Variants in DDIAS observed in about 807,000 individuals in gnomAD.
DDIAS encodes the protein DNA damage-induced apoptosis suppressor protein.
Under a neutral mutation model 15.7 loss-of-function variants are expected in DDIAS, and 14 were observed. The observed-to-expected ratio is 0.89, with a 90% confidence interval of 0.59 to 1.39. The LOEUF is 1.39. DDIAS is among the 40% of genes most tolerant of loss of function. DDIAS has a pLI of 0.00. For synonymous variants in DDIAS, 355 were observed against 395.9 expected (o/e 0.90, Z 1.23); for missense variants, 1,035 against 1,130.9 (o/e 0.92, Z 1.22).
chr11:82,915,090 A>G (rs992447713), intron 3 of DDIAS, among the ~76,000 whole-genome samples: 2 of 152,238 alleles, frequency 1.3e-5, no homozygotes, highest in Non-Finnish European at 2.9e-5. Context: ...ATAACTTCTC[A>G]GAGAGTAAGT....
intron 3 of DDIAS, among the ~76,000 whole-genome samples, chr11:82,924,792 G>A (rs1860824259): frequency 6.6e-6 from 1 of 151,774 alleles, no homozygotes; most frequent in Non-Finnish European, 1.5e-5. Flanking sequence ...TCCAGCCTGG[G>A]CAACAAAGCA....
intron 3 of DDIAS, among the ~76,000 whole-genome samples, chr11:82,921,902 T>A (rs1181007842): frequency 1.3e-5 from 2 of 152,130 alleles, no homozygotes; most frequent in East Asian, 3.8e-4. Flanking sequence ...AATGGTGGTT[T>A]GGTAGTAGCA....
At chr11:82,929,119 AAC>A (rs1332690803) in intron 4 of DDIAS, among the ~76,000 whole-genome samples, 181 bp downstream of exon 4, 8 of 152,378 alleles carry the variant, frequency 5.3e-5, no homozygotes, top group South Asian at 4.1e-4. Context: ...ATGATATTAA[AAC>A]AGTCTCCTTT....
At chr11:82,921,601 G>A (rs1449177643) in intron 3 of DDIAS, among the ~76,000 whole-genome samples, 4 of 122,750 alleles carry the variant, frequency 3.3e-5, no homozygotes, top group East Asian at 2.3e-4. Context: ...TTTTTGAGAC[G>A]GAGTTTCGCT....
chr11:82,929,328 T>G (rs1221320254), intron 4 of DDIAS, among the ~76,000 whole-genome samples: 1 of 152,250 alleles, frequency 6.6e-6, no homozygotes, highest in Non-Finnish European at 1.5e-5. Context: ...AATTGAAATT[T>G]TATTTTTTAT....
chr11:82,919,312 C>A (rs1860696398), intron 3 of DDIAS, among the ~76,000 whole-genome samples: 1 of 152,124 alleles, frequency 6.6e-6, no homozygotes, highest in Non-Finnish European at 1.5e-5. Context: ...TAAATGGATG[C>A]TGGATTTTGT....
Position 82,914,707 on chromosome 11 carries a change from C to A in DDIAS, c.-16-16C>A. 1.5e-6 allele frequency: 2 copies of A among 1,326,476 alleles called. No homozygotes were observed. The highest frequency in any genetic ancestry group is 2.3e-5 in the East Asian group (1 of 42,586). The allele number at this position is 1,326,476 out of a possible 1,614,324, so 82.2% of individuals were successfully genotyped here. On this transcript the variant is annotated splice_polypyrimidine_tract_variant and intron_variant, in intron 2 of 5. Transcript: ENST00000533655. Reference sequence around the variant, plus strand: ...AAAGATTTGCCAGTCATCCCAATGGCTATTTTGTTTTGCAGACCACGGTGT... The same window carrying A: ...AAAGATTTGCCAGTCATCCCAATGGATATTTTGTTTTGCAGACCACGGTGT...
intron 3 of DDIAS, among the ~76,000 whole-genome samples, chr11:82,925,214 A>G (rs1046333932): frequency 6.6e-6 from 1 of 152,252 alleles, no homozygotes; most frequent in Non-Finnish European, 1.5e-5. Context: ...TGTGTTAACC[A>G]TGTAAAGGGT....
At position 82,930,189 on chromosome 11, in the gene DDIAS, C is replaced by T. The variant is rs553811507; in HGVS notation, c.308C>T (p.Thr103Ile). Residue 103 changes from threonine to isoleucine, a missense_variant, in exon 5 of 6, where the codon ACA becomes ATA. Coordinates refer to ENST00000533655, the MANE Select transcript of DDIAS (RefSeq NM_145018.4). ...YIQDPNKIPE[T>I]LDNDTTQNLL... ...CAGGATCCTAATAAAATTCCAGAAACACTGGACAATGATACAACTCAGAAT... is the reference window on the plus strand; with the variant it reads ...CAGGATCCTAATAAAATTCCAGAAATACTGGACAATGATACAACTCAGAAT... The T allele has an allele frequency of 1.3e-6, 2 of 1,597,508 alleles. No individual in the cohort carries two copies. The highest frequency in any genetic ancestry group is 1.7e-5 in the Admixed American group (1 of 57,608).
chr11:82,921,871 G>T (rs752974464), intron 3 of DDIAS, among the ~76,000 whole-genome samples: 1 of 152,148 alleles, frequency 6.6e-6, no homozygotes, highest in African/African-American at 2.4e-5. Context: ...GAGCCACTGC[G>T]CCCAGCCTAG....
chr11:82,924,013 C>A (rs775404902), intron 3 of DDIAS, among the ~76,000 whole-genome samples: 1 of 152,114 alleles, frequency 6.6e-6, no homozygotes, highest in Non-Finnish European at 1.5e-5. Context: ...CCTAGAAATC[C>A]ATTTCTAACA....
At chr11:82,923,772 G>C (rs918185605) in intron 3 of DDIAS, among the ~76,000 whole-genome samples, 1 of 152,058 alleles carries the variant, frequency 6.6e-6, no homozygotes, top group African/African-American at 2.4e-5. Flanking sequence ...TCATTTGAAA[G>C]GGGGTTTCAT....
chr11:82,922,134 T>A, intron 3 of DDIAS, among the ~76,000 whole-genome samples: 1 of 152,182 alleles, frequency 6.6e-6, no homozygotes. Context: ...GTCTCACAAC[T>A]CTTAAGATTC....
At chr11:82,931,195 G>A (rs776259856) in intron 5 of DDIAS, among the ~76,000 whole-genome samples, 11 of 152,006 alleles carry the variant, frequency 7.2e-5, no homozygotes, top group African/African-American at 1.7e-4. Context: ...TAATAAATGC[G>A]GGAACTAGGA....
Position 82,932,476 on chromosome 11 carries a change from A to G in DDIAS, c.1138A>G (p.Thr380Ala). 1.2e-6 allele frequency: 2 copies of G among 1,614,184 alleles called. No homozygotes were observed. Among genetic ancestry groups the G allele is most frequent in the Non-Finnish European group, 8.5e-7 (1 of 1,180,036 alleles). ...LPCFQHHGID[T>A]PTSLQKRSAC... The stretch of plus-strand genomic sequence containing the variant: ...ATGTTTTCAGCATCATGGTATAGAT[A>G]CCCCAACTAGCCTTCAGAAGAGATC... The change falls in exon 6 of 6, where the codon ACC becomes GCC. Residue 380 changes from threonine to alanine, a missense_variant. Physicochemically the swap from Thr to Ala is moderately conservative, Grantham distance 58. Transcript: ENST00000533655.
At chr11:82,928,401 G>T (rs552396212) in intron 3 of DDIAS, among the ~76,000 whole-genome samples, 4 of 151,528 alleles carry the variant, frequency 2.6e-5, no homozygotes, top group Non-Finnish European at 4.4e-5. Context: ...GGGTTTTACC[G>T]TGTTAGCTAG....
Position 82,932,829 on chromosome 11 carries a change from C to G in DDIAS, c.1491C>G (p.Phe497Leu). The change falls in exon 6 of 6, where the codon TTC (phenylalanine) becomes TTG (leucine). Residue 497 changes from phenylalanine (F) to leucine (L), a missense_variant. Transcript: ENST00000533655. ...ACTGTAGCAAAGATGACTTCCTTTT[C>G]AACTGTAAAGGAAATCTAAGTCCTA... ...KANCSKDDFL[F>L]NCKGNLSPSV... is the part of the protein sequence containing the mutation. 6.2e-7 allele frequency: 1 copy of G among 1,613,484 alleles called. No homozygotes were observed. Among genetic ancestry groups the G allele is most frequent in the Non-Finnish European group, 8.5e-7 (1 of 1,179,980 alleles).
intron 4 of DDIAS, 118 bp downstream of exon 4, chr11:82,929,056 C>G: frequency 8.8e-7 from 1 of 1,131,340 alleles, no homozygotes; most frequent in Non-Finnish European, 1.3e-6. Context: ...TTGTCAATTC[C>G]TTTAAAAGAC....
chr11:82,918,835 T>TG (rs1316113600), intron 3 of DDIAS, among the ~76,000 whole-genome samples: 2 of 152,102 alleles, frequency 1.3e-5, no homozygotes, highest in African/African-American at 2.4e-5. Flanking sequence ...TGGTTTTTTT[T>TG]TGTGTGTGTG....
Sources: gnomAD v4.1 joint callset for allele counts (sites outside exome capture counted in the v4.1 genomes callset) on GRCh38, gnomAD v4.1.1 for gene constraint, MANE v1.5 for transcripts, NCBI Gene and HGNC (gene_info 2026-07-23, HGNC 2026-07-21) for gene names.